EPHA1: variants seen among roughly 807,000 people sequenced by gnomAD.
The protein encoded by EPHA1 is EPH receptor A1, also known as ephrin type-A receptor 1.
Under a neutral mutation model 110.1 loss-of-function variants are expected in EPHA1, and 92 were observed. The ratio of observed to expected loss-of-function variants is 0.84; its 90% CI spans 0.71 to 0.99. EPHA1 has a LOEUF of 0.99. Ranked by LOEUF, EPHA1 falls within the 50% of genes least tolerant of loss-of-function variation. The pLI is 0.00. For missense variants in EPHA1, 1,204 were observed against 1,285.4 expected (o/e 0.94, Z 0.97); for synonymous variants, 500 against 516.1 (o/e 0.97, Z 0.42).
chr7:143,391,889 C>A, intron 16 of EPHA1, 114 bp from the exon 17 acceptor site: 2 of 1,507,088 alleles, frequency 1.3e-6, no homozygotes, highest in Non-Finnish European at 1.8e-6. Flanking sequence ...CAGAGATCAT[C>A]TAGACTGTGG....
At position 143,395,609 on chromosome 7, in the gene EPHA1, C is replaced by T; in HGVS notation, c.1898-105G>A. On this transcript the variant is annotated intron_variant, in intron 11 of 17. Coordinates refer to ENST00000275815, the MANE Select transcript of EPHA1 (RefSeq NM_005232.5). This position sits in a 1 kb window ranked among gnomAD's most constrained non-coding sequence, Gnocchi z 4.7. ...CCGGCCCTTTTCTTTTCTGGAGAAT[C>T]AGAAGCGTGGAGTGCCCTTCCTGGG... is the stretch of plus-strand genomic sequence containing the variant. 1 of 1,265,730 alleles carries T rather than the reference C, an allele frequency of 7.9e-7. No homozygotes were observed. Among genetic ancestry groups the T allele is most frequent in the East Asian group, 2.5e-5 (1 of 40,734 alleles). 78.4% of individuals were successfully genotyped at this position (1,265,730 alleles called of 1,614,324 possible).
At chr7:143,398,502 A>C in intron 6 of EPHA1, 54 bp from the exon 7 acceptor site, 2 of 1,611,648 alleles carry the variant, frequency 1.2e-6, no homozygotes, top group Non-Finnish European at 1.7e-6. Flanking sequence ...AAATAACCTT[A>C]GTAACTTTTC....
At chr7:143,404,950 C>T (rs972562419) in intron 2 of EPHA1, among the ~76,000 whole-genome samples, 1 of 151,268 alleles carries the variant, frequency 6.6e-6, no homozygotes, top group African/African-American at 2.4e-5. Context: ...TGCAGGGGCC[C>T]TCATCCCTAC....
Position 143,398,070 on chromosome 7 carries a change from C to G in EPHA1, c.1465G>C (p.Asp489His), listed in dbSNP as rs749437637. 2 of 1,613,948 alleles carry G rather than the reference C, an allele frequency of 1.2e-6. No individual in the cohort carries two copies. Among genetic ancestry groups the G allele is most frequent in the South Asian group, 2.2e-5 (2 of 91,076 alleles). Reference sequence around the variant, plus strand: ...AGAACCATCTGGTACCGTTCTTCATCCTGTGGGTTGGAGTTGCATTAAGTG... The same window carrying G: ...AGAACCATCTGGTACCGTTCTTCATGCTGTGGGTTGGAGTTGCATTAAGTG... ...LTYELHVLNQ[D>H]EERYQMVLEP... The change falls in exon 8 of 18, where the codon GAT becomes CAT. Residue 489 changes from aspartate (D) to histidine (H), a missense_variant and splice_region_variant. Asp to His is a moderately conservative substitution (Grantham distance 81). Coordinates refer to ENST00000275815, the MANE Select transcript of EPHA1 (RefSeq NM_005232.5).
chr7:143,392,740 G>A (rs1305744397), intron 16 of EPHA1, among the ~76,000 whole-genome samples: 2 of 152,132 alleles, frequency 1.3e-5, no homozygotes, highest in African/African-American at 4.8e-5. Context: ...TCAGGAGTTC[G>A]AGACCAGCTT....
Position 143,407,693 on chromosome 7 carries a change from A to T in EPHA1, c.83-15T>A. 3 of 1,612,492 alleles carry T rather than the reference A, an allele frequency of 1.9e-6. No homozygotes were observed. The highest frequency in any genetic ancestry group is 2.5e-6 in the Non-Finnish European group (3 of 1,179,152). On this transcript the variant is annotated splice_polypyrimidine_tract_variant and intron_variant, in intron 1 of 17. Coordinates refer to ENST00000275815, the MANE Select transcript of EPHA1 (RefSeq NM_005232.5). ...CATCAGAGTAACTGAAAGTGGGGAG[A>T]AAAGAAGTCTGTCACCTCTGGGGGA...
intron 3 of EPHA1, chr7:143,400,858 T>C: frequency 5.9e-6 from 1 of 169,404 alleles, no homozygotes; most frequent in Non-Finnish European, 1.3e-5. Flanking sequence ...GCAGAAAAGA[T>C]ACTCAAATCC....
rs951430650 is a variant in EPHA1 at position 143,393,846 on chromosome 7, C to T, written c.2521G>A (p.Asp841Asn). 6.4e-7 allele frequency: 1 copy of T among 1,569,842 alleles called. No individual in the cohort carries two copies. Among genetic ancestry groups the T allele is most frequent in the Admixed American group, 1.8e-5 (1 of 55,944 alleles). Residue 841 changes from aspartate to asparagine, a missense_variant, in exon 16 of 18, where the codon GAT (aspartate) becomes AAT (asparagine). By Grantham distance (23) the Asp-to-Asn change is conservative (BLOSUM62 1). Coordinates refer to ENST00000275815, the MANE Select transcript of EPHA1 (RefSeq NM_005232.5). The surrounding 1 kb of genome is among the most constrained non-coding windows in gnomAD (Gnocchi z 5.6). ...ACAGGAGGGGGCAACCGGTACCCAT[C>T]CTCAATGCTCTTCATAACCTGCACG... ...SNQEVMKSIE[D>N]GYRLPPPVDC...
intron 2 of EPHA1, among the ~76,000 whole-genome samples, 197 bp downstream of exon 2, chr7:143,407,414 G>A (rs1163840238): frequency 6.6e-6 from 1 of 151,994 alleles, no homozygotes; most frequent in Non-Finnish European, 1.5e-5. Flanking sequence ...CCATTCAAGC[G>A]TTCATCTTGA....
At chr7:143,408,326 G>A (rs1471784551) in intron 1 of EPHA1, among the ~76,000 whole-genome samples, 2 of 152,164 alleles carry the variant, frequency 1.3e-5, no homozygotes, top group Non-Finnish European at 2.9e-5. Flanking sequence ...TCTGTCCCTG[G>A]CCTAGGTTGG....
rs1210636799 is a variant in EPHA1 at position 143,399,294 on chromosome 7, T to C, written c.955A>G (p.Arg319Gly). ...ACCTGGGGGCCCTCCCCGGGAGCTC[T>C]GTAATGGCCGCTCTCACAGGTACAG... ...TICTCESGHY[R>G]APGEGPQVAC... The change falls in exon 5 of 18, where the codon AGA becomes GGA. Residue 319 changes from arginine (R) to glycine (G), a missense_variant. Transcript: ENST00000275815. 6.2e-7 allele frequency: 1 copy of C among 1,612,006 alleles called. No individual in the cohort carries two copies. The highest frequency in any genetic ancestry group is 8.5e-7 in the Non-Finnish European group (1 of 1,179,866).
chr7:143,393,429 G>GC lies in EPHA1; in HGVS notation c.2696+241dup, dbSNP rs1271286793. 6.6e-6 allele frequency among the ~76,000 whole-genome samples: 1 copy of GC among 152,018 alleles called. No homozygotes were observed. Among genetic ancestry groups the GC allele is most frequent in the African/African-American group, 2.4e-5 (1 of 41,374 alleles). On this transcript the variant is annotated intron_variant, in intron 16 of 17. Coordinates refer to ENST00000275815, the MANE Select transcript of EPHA1 (RefSeq NM_005232.5). The surrounding 1 kb of genome is among the most constrained non-coding windows in gnomAD (Gnocchi z 5.6). ...GGCTGCCTGAGAAGAGAAAAGATGG[G>GC]CCCCCCACCCCCAAGCCCAGGTGAA...
At chr7:143,408,683 C>T in intron 1 of EPHA1, 41 bp downstream of exon 1, 2 of 285,410 alleles carry the variant, frequency 7.0e-6, no homozygotes, top group East Asian at 5.3e-5. Context: ...CGGGAAGGGG[C>T]GGGGCGCGGG....
chr7:143,392,965 T>G (rs1279754501), intron 16 of EPHA1, among the ~76,000 whole-genome samples: 1 of 151,712 alleles, frequency 6.6e-6, no homozygotes, highest in Non-Finnish European at 1.5e-5. Flanking sequence ...AAACAACAAC[T>G]CTGCACTCAT....
In EPHA1 at chr7:143,398,644, A is replaced by G. The variant is rs751715392; in HGVS notation, c.1293T>C (p.Ser431=). Residue 431 remains serine, a synonymous_variant, in exon 6 of 18, where the codon TCT becomes TCC. Transcript: ENST00000275815. ...TGCTGACTGAGGTGCTGGCATGGCC[A>G]GAGCTGCCCAGCCCTGACACTCCAT... ...AQNGVSGLGS[S]GHASTSVSIS... is the part of the protein sequence containing the mutation. The G allele has an allele frequency of 6.2e-7, 1 of 1,613,954 alleles. No homozygotes were observed. The highest frequency in any genetic ancestry group is 8.5e-7 in the Non-Finnish European group (1 of 1,179,966).
intron 7 of EPHA1, 72 bp downstream of exon 7, chr7:143,398,249 C>T: frequency 6.9e-6 from 11 of 1,599,416 alleles, no homozygotes; most frequent in Non-Finnish European, 9.4e-6. Flanking sequence ...TCCCAACCCA[C>T]ACCCCAGGCT....
At chr7:143,396,667 G>T in intron 10 of EPHA1, 157 bp from the exon 11 acceptor site, 1 of 815,488 alleles carries the variant, frequency 1.2e-6, no homozygotes, top group Non-Finnish European at 1.9e-6. Context: ...TCTCCATTTA[G>T]CAACTAGGCC....
At position 143,403,584 on chromosome 7, in the gene EPHA1, T is replaced by C. The variant is rs554274912; in HGVS notation, c.151-1979A>G. Among the ~76,000 whole-genome samples, 62 of 152,310 alleles carry C rather than the reference T, an allele frequency of 4.1e-4. 1 individual carries two copies. Among genetic ancestry groups the C allele is most frequent in the Non-Finnish European group, 1.2e-4 (8 of 68,030 alleles). ...ATGTAAGATTTCCATGGAACTGCCA[T>C]ATCAAAGGGTAGACATACTACAGGT... On this transcript the variant is annotated intron_variant, in intron 2 of 17. Transcript: ENST00000275815.
chr7:143,398,575 T>C (rs1333300602), intron 6 of EPHA1, 26 bp downstream of exon 6: 5 of 1,608,450 alleles, frequency 3.1e-6, no homozygotes, highest in Non-Finnish European at 4.3e-6. Flanking sequence ...ACCAGGTCCC[T>C]GTCCCAGCCC....
Sources: allele counts gnomAD v4.1 joint callset (sites outside exome capture counted in the v4.1 genomes callset), GRCh38; gene constraint gnomAD v4.1.1; non-coding constraint Gnocchi (gnomAD v3.1); transcripts MANE v1.5; gene names NCBI Gene and HGNC (gene_info 2026-07-23, HGNC 2026-07-21).